The following ECM2 variants were observed in gnomAD, a reference collection of about 807,000 sequenced individuals.
The protein encoded by ECM2 is extracellular matrix protein 2, female organ and adipocyte specific.
A neutral mutation model predicts 67.5 loss-of-function variants in ECM2; 57 were observed. That is an observed-to-expected ratio of 0.84 (90% confidence interval 0.68 to 1.05). ECM2 has a LOEUF of 1.05. ECM2 is among the 50% of genes least tolerant of loss of function. ECM2 has a pLI of 0.00. For synonymous variants in ECM2, 258 were observed against 294.5 expected (o/e 0.88, Z 1.27); for missense variants, 741 against 822.8 (o/e 0.90, Z 1.22).
intron 4 of ECM2, among the ~76,000 whole-genome samples, chr9:92,514,124 CT>C (rs34816093): frequency 0.42 from 57,316 of 136,218 alleles, 13,724 homozygotes; most frequent in African/African-American, 0.68. Context: ...GAATCGTTCA[CT>C]TTTTTTTTTT....
chr9:92,547,332 C>T, the ECM2 span, among the ~76,000 whole-genome samples: 1 of 152,198 alleles, frequency 6.6e-6, no homozygotes, highest in South Asian at 2.1e-4. Flanking sequence ...ACACATATGT[C>T]CACATGAAAA....
upstream of ECM2, among the ~76,000 whole-genome samples, chr9:92,540,810 G>C (rs898788885): frequency 6.6e-6 from 1 of 151,720 alleles, no homozygotes; most frequent in African/African-American, 2.4e-5. Context: ...AATATAATAA[G>C]GAATCACTGG....
downstream of ECM2, chr9:92,493,956 C>T (rs942489604): frequency 1.6e-5 from 12 of 747,604 alleles, no homozygotes; most frequent in East Asian, 2.8e-5. Context: ...TAATCCAGGC[C>T]GTTGAGGGTG....
At chr9:92,513,567 A>AAACC (rs998719357) in intron 4 of ECM2, among the ~76,000 whole-genome samples, 1 of 152,218 alleles carries the variant, frequency 6.6e-6, no homozygotes, top group African/African-American at 2.4e-5. Flanking sequence ...AACTGATAGG[A>AAACC]AACCCTGCCC....
intron 1 of ECM2, among the ~76,000 whole-genome samples, chr9:92,531,136 A>G (rs1426299623): frequency 1.3e-5 from 2 of 152,068 alleles, no homozygotes; most frequent in Non-Finnish European, 2.9e-5. Flanking sequence ...GTAAAATTTA[A>G]TGTTTGAATT....
intron 1 of ECM2, among the ~76,000 whole-genome samples, chr9:92,533,034 C>T (rs1848896145): frequency 6.6e-6 from 1 of 151,774 alleles, no homozygotes; most frequent in Admixed American, 6.6e-5. Flanking sequence ...TGCGGTGGCT[C>T]AAGTCTGTAA....
Position 92,514,863 on chromosome 9 carries a change from A to ATCCTCCTCC in ECM2, c.813_821dup (p.Glu271_Glu273dup), listed in dbSNP as rs752071573. 4 of 1,608,102 alleles carry ATCCTCCTCC rather than the reference A, an allele frequency of 2.5e-6. No individual in the cohort carries two copies. Among genetic ancestry groups the ATCCTCCTCC allele is most frequent in the East Asian group, 4.5e-5 (2 of 44,768 alleles). ...CACCCTCCTCACCCTCCTCCTCCTC[A>ATCCTCCTCC]TCCTCCTCCTCCTCCCTTCCTTGGC... On this transcript the variant is annotated inframe_insertion, in exon 4 of 10. Coordinates refer to ENST00000344604, the MANE Select transcript of ECM2 (RefSeq NM_001393.4).
rs776123390 is a variant in ECM2 at position 92,515,033 on chromosome 9, C to T, written c.652G>A (p.Glu218Lys). The T allele has an allele frequency of 6.2e-7, 1 of 1,614,170 alleles. No homozygotes were observed. The highest frequency in any genetic ancestry group is 1.1e-5 in the South Asian group (1 of 91,080). Residue 218 changes from glutamate to lysine, a missense_variant, in exon 4 of 10, where the codon GAA (glutamate) becomes AAA (lysine). Coordinates refer to ENST00000344604, the MANE Select transcript of ECM2 (RefSeq NM_001393.4). ...KEALQSEEDE[E>K]VKEEDTEQKR... ...TGCTCTGTATCTTCTTCTTTCACTT[C>T]TTCATCCTCCTCAGATTGAAGTGCT...
At chr9:92,510,103 G>A (rs1411530025) in intron 5 of ECM2, 69 bp from the exon 6 acceptor site, 17 of 1,507,982 alleles carry the variant, frequency 1.1e-5, no homozygotes, top group Non-Finnish European at 1.5e-5. Flanking sequence ...TCATATAATG[G>A]TCGTGACTAA....
the ECM2 span, among the ~76,000 whole-genome samples, chr9:92,557,646 T>C: frequency 1.3e-5 from 2 of 151,878 alleles, no homozygotes; most frequent in Non-Finnish European, 2.9e-5. Flanking sequence ...CGCATTTCTT[T>C]GTTTGTTTGT....
At chr9:92,555,001 T>TG in the ECM2 span, among the ~76,000 whole-genome samples, 8 of 145,056 alleles carry the variant, frequency 5.5e-5, no homozygotes, top group Non-Finnish European at 1.2e-4. Flanking sequence ...CGGTCTGTAT[T>TG]GTTTGTTGTT....
chr9:92,541,953 C>T, the ECM2 span, among the ~76,000 whole-genome samples: 38,954 of 151,918 alleles, frequency 0.26, 7,216 homozygotes, highest in African/African-American at 0.52. Context: ...GCCGCCGCAC[C>T]CAGCTAATTT....
At chr9:92,499,825 C>T (rs12347857) in intron 9 of ECM2, among the ~76,000 whole-genome samples, 38,572 of 152,026 alleles carry the variant, frequency 0.25, 7,043 homozygotes, top group African/African-American at 0.51. Context: ...GACAGAACAA[C>T]AAGGTTATTG....
At chr9:92,499,360 C>A (rs903681452) in intron 9 of ECM2, among the ~76,000 whole-genome samples, 26 of 152,040 alleles carry the variant, frequency 1.7e-4, no homozygotes, top group Non-Finnish European at 2.8e-4. Context: ...AGTTGATGAG[C>A]AAAAAATTTT....
intron 1 of ECM2, among the ~76,000 whole-genome samples, chr9:92,529,474 G>A (rs1848615519): frequency 2.0e-5 from 3 of 152,094 alleles, no homozygotes; most frequent in Admixed American, 2.0e-4. Context: ...CAAATAAGAT[G>A]AAAATCTATG....
At chr9:92,551,979 GTGT>G in the ECM2 span, among the ~76,000 whole-genome samples, 7 of 54,792 alleles carry the variant, frequency 1.3e-4, 1 homozygote, top group African/African-American at 1.1e-3. Flanking sequence ...ATATATATGT[GTGT>G]GTATATATGT....
chr9:92,496,075 G>A lies in ECM2; in HGVS notation c.*240C>T, dbSNP rs1170726175. 2 of 1,135,614 alleles carry A rather than the reference G, an allele frequency of 1.8e-6. No individual in the cohort carries two copies. Among genetic ancestry groups the A allele is most frequent in the African/African-American group, 3.3e-5 (2 of 60,908 alleles). The allele number at this position is 1,135,614 out of a possible 1,614,324, so 70.3% of individuals were successfully genotyped here. On this transcript the variant is annotated 3_prime_UTR_variant, in exon 10 of 10. Transcript: ENST00000344604. ...AGTATGCATAATATCCTATTCTAGT[G>A]AGATGGCCTCTTTCTAGAGGTAGGA...
the ECM2 span, among the ~76,000 whole-genome samples, chr9:92,549,531 C>T: frequency 3.0e-4 from 45 of 152,036 alleles, no homozygotes; most frequent in African/African-American, 9.4e-4. Context: ...CCTGTAGTCC[C>T]AGCCACTCGG....
the ECM2 span, among the ~76,000 whole-genome samples, chr9:92,552,192 C>CTATCAT: frequency 7.8e-6 from 1 of 127,680 alleles, no homozygotes; most frequent in African/African-American, 3.1e-5. Flanking sequence ...CTATCATATA[C>CTATCAT]ACACACACAC....
Sources: gnomAD v4.1 joint callset for allele counts (sites outside exome capture counted in the v4.1 genomes callset) on GRCh38, gnomAD v4.1.1 for gene constraint, MANE v1.5 for transcripts, NCBI Gene and HGNC (gene_info 2026-07-23, HGNC 2026-07-21) for gene names.